The following THSD7B variants were observed in gnomAD, a reference collection of about 807,000 sequenced individuals.
THSD7B encodes the protein thrombospondin type 1 domain containing 7B.
A neutral mutation model predicts 213.6 loss-of-function variants in THSD7B; 138 were observed. That is an observed-to-expected ratio of 0.65 (90% confidence interval 0.56 to 0.74). The LOEUF is 0.74. Among genes scored for constraint, THSD7B ranks in the 30% least tolerant of loss-of-function variants. THSD7B has a pLI of 0.00. For synonymous variants in THSD7B, 742 were observed against 687.0 expected (o/e 1.08, Z -1.25); for missense variants, 1,931 against 1,991.5 (o/e 0.97, Z 0.58).
intron 15 of THSD7B, among the ~76,000 whole-genome samples, chr2:137,464,802 A>G (rs1295720598): frequency 6.6e-6 from 1 of 152,162 alleles, no homozygotes; most frequent in South Asian, 2.1e-4. Context: ...GGTCTATGCT[A>G]TCCATGTTGA....
intron 3 of THSD7B, among the ~76,000 whole-genome samples, chr2:137,059,943 A>G (rs1018055239): frequency 2.6e-5 from 4 of 152,152 alleles, no homozygotes; most frequent in Non-Finnish European, 4.4e-5. Flanking sequence ...TTTGTAAGAA[A>G]CTGCCCAGCT....
intron 2 of THSD7B, among the ~76,000 whole-genome samples, chr2:136,994,726 C>T (rs1240291377): frequency 6.6e-6 from 1 of 152,182 alleles, no homozygotes; most frequent in Admixed American, 6.5e-5. Flanking sequence ...ATATGTACAA[C>T]AAGTGTAAAC....
At chr2:137,163,413 G>A (rs924356338) in intron 6 of THSD7B, among the ~76,000 whole-genome samples, 31 of 152,210 alleles carry the variant, frequency 2.0e-4, no homozygotes, top group Non-Finnish European at 4.1e-4. Context: ...TGCAAGAAGA[G>A]GAAAATTTGG....
In THSD7B at chr2:137,644,151, C is replaced by T. The variant is rs1042720040; in HGVS notation, c.3945+1518C>T. On this transcript the variant is annotated intron_variant, in intron 21 of 27. Coordinates refer to ENST00000409968, the MANE Select transcript of THSD7B (RefSeq NM_001316349.2). ...CCCTGACAAGGCTTCTGGAGATCCA[C>T]CAGAGTAGGTGATTGGTTTTTGCTT... Among the ~76,000 whole-genome samples, 6 of 152,092 alleles carry T rather than the reference C, an allele frequency of 3.9e-5. No individual in the cohort carries two copies. The East Asian group carries it at 5.8e-4, about 15-fold the overall frequency.
At chr2:137,281,563 C>A (rs1002289349) in intron 12 of THSD7B, among the ~76,000 whole-genome samples, 1 of 151,066 alleles carries the variant, frequency 6.6e-6, no homozygotes, top group Non-Finnish European at 1.5e-5. Flanking sequence ...CCACCCCCAC[C>A]CCACAGCAGT....
chr2:137,311,721 G>C (rs1573952947), intron 12 of THSD7B, among the ~76,000 whole-genome samples: 1 of 151,562 alleles, frequency 6.6e-6, no homozygotes, highest in East Asian at 1.9e-4. Context: ...ATGAAGGGTT[G>C]TTGAATTTTG....
chr2:137,299,509 G>T (rs1683548377), intron 12 of THSD7B, among the ~76,000 whole-genome samples: 1 of 152,084 alleles, frequency 6.6e-6, no homozygotes, highest in Non-Finnish European at 1.5e-5. Context: ...ATATGGTTTG[G>T]CTGTGCCCCC....
intron 17 of THSD7B, among the ~76,000 whole-genome samples, chr2:137,598,068 A>C (rs957519552): frequency 6.6e-6 from 1 of 151,442 alleles, no homozygotes; most frequent in Non-Finnish European, 1.5e-5. Context: ...CTGTCTCCCC[A>C]TTTCCCCATC....
intron 2 of THSD7B, among the ~76,000 whole-genome samples, chr2:136,923,300 A>G (rs1684466815): frequency 6.6e-6 from 1 of 152,202 alleles, no homozygotes; most frequent in South Asian, 2.1e-4. Context: ...TAAAGGCTGC[A>G]TAATATTCCA....
At chr2:137,559,027 A>C (rs1259559027) in intron 15 of THSD7B, among the ~76,000 whole-genome samples, 2 of 152,194 alleles carry the variant, frequency 1.3e-5, no homozygotes, top group East Asian at 3.8e-4. Context: ...GGACCTCTTC[A>C]AGGAGAACTA....
At chr2:136,846,143 C>G (rs139090280) in intron 1 of THSD7B, among the ~76,000 whole-genome samples, 11 of 152,234 alleles carry the variant, frequency 7.2e-5, no homozygotes, top group Middle Eastern at 3.4e-3. Flanking sequence ...GGTGTGGAGT[C>G]TTCCAGATAA....
chr2:136,952,221 A>C (rs1173691602), intron 2 of THSD7B, among the ~76,000 whole-genome samples: 1 of 151,840 alleles, frequency 6.6e-6, no homozygotes, highest in Non-Finnish European at 1.5e-5. Context: ...CCACCCCCCC[A>C]AAAAAGCACA....
Position 136,968,576 on chromosome 2 carries a change from T to C in THSD7B, c.139+86259T>C, listed in dbSNP as rs143611018. On this transcript the variant is annotated intron_variant, in intron 2 of 27. Transcript: ENST00000409968. Reference sequence around the variant, plus strand: ...TGCCATGTCTGTATTTTCGCTTTCCTTGTGATGTCTTTTAAAGTGAGAAGT... The same window carrying C: ...TGCCATGTCTGTATTTTCGCTTTCCCTGTGATGTCTTTTAAAGTGAGAAGT... 6.3e-3 allele frequency among the ~76,000 whole-genome samples: 961 copies of C among 152,278 alleles called. 7 individuals carry two copies. Among genetic ancestry groups the C allele is most frequent in the Non-Finnish European group, 7.0e-3 (478 of 67,986 alleles).
At chr2:137,633,543 A>G (rs1052316431) in intron 20 of THSD7B, among the ~76,000 whole-genome samples, 9 of 152,326 alleles carry the variant, frequency 5.9e-5, no homozygotes, top group Middle Eastern at 3.4e-3. Context: ...ATTGGAAAGC[A>G]TATGTTTTTG....
At chr2:137,215,314 G>A (rs1004803950) in intron 7 of THSD7B, among the ~76,000 whole-genome samples, 3 of 152,022 alleles carry the variant, frequency 2.0e-5, no homozygotes, top group Admixed American at 6.6e-5. Context: ...TAAGTTCCTC[G>A]TAGATTCTGG....
intron 14 of THSD7B, among the ~76,000 whole-genome samples, chr2:137,445,324 A>G (rs1173296045): frequency 2.6e-5 from 4 of 152,086 alleles, no homozygotes; most frequent in Non-Finnish European, 5.9e-5. Context: ...TTGCAGCAAT[A>G]ATCACAATAG....
At chr2:137,519,251 A>AAAATAAATAAATAAATAAATAAAT (rs150919867) in intron 15 of THSD7B, among the ~76,000 whole-genome samples, 1,642 of 149,150 alleles carry the variant, frequency 0.011, 19 homozygotes, top group African/African-American at 0.027. Flanking sequence ...ACTCCATCTC[A>AAAATAAATAAATAAATAAATAAAT]AAATAAATAA....
chr2:136,841,700 T>C (rs1367035966), intron 1 of THSD7B, among the ~76,000 whole-genome samples: 1 of 152,014 alleles, frequency 6.6e-6, no homozygotes, highest in Non-Finnish European at 1.5e-5. Flanking sequence ...AAAAGCTGAT[T>C]CTTGGCTTTA....
chr2:137,005,156 A>G (rs1686079570), intron 2 of THSD7B, among the ~76,000 whole-genome samples: 1 of 152,082 alleles, frequency 6.6e-6, no homozygotes, highest in South Asian at 2.1e-4. Context: ...AACCAGAAGA[A>G]CTAAAATGTT....
Sources: allele counts gnomAD v4.1 joint callset (sites outside exome capture counted in the v4.1 genomes callset), GRCh38; gene constraint gnomAD v4.1.1; transcripts MANE v1.5; gene names NCBI Gene and HGNC (gene_info 2026-07-23, HGNC 2026-07-21).